The following B3GALT1 variants were observed in gnomAD, a reference collection of about 807,000 sequenced individuals.
B3GALT1 encodes UDP-Gal:betaGlcNAc beta 1,3-galactosyltransferase, polypeptide 1.
A neutral mutation model predicts 23.2 loss-of-function variants in B3GALT1; 10 were observed. That is an observed-to-expected ratio of 0.43 (90% CI 0.27 to 0.73). The LOEUF is 0.73. Ranked by LOEUF, B3GALT1 falls within the 30% of genes least tolerant of loss-of-function variation. The probability of loss-of-function intolerance (pLI) is 0.21; values close to 1 mark genes in which losing one functional copy is unlikely to be tolerated. For synonymous variants in B3GALT1, 156 were observed against 141.5 expected, an observed-to-expected ratio of 1.10 and a Z score of -0.73; for missense variants, 299 against 405.4, an observed-to-expected ratio of 0.74 and a Z score of 2.25.
intron 3 of B3GALT1, among the ~76,000 whole-genome samples, chr2:167,744,081 A>G (rs1687616475): frequency 6.6e-6 from 1 of 152,184 alleles, no homozygotes; most frequent in African/African-American, 2.4e-5. Flanking sequence ...TAATCCTTTA[A>G]TTATTAACTT....
intron 3 of B3GALT1, among the ~76,000 whole-genome samples, chr2:167,803,683 C>A (rs571677783): frequency 6.6e-6 from 1 of 152,146 alleles, no homozygotes; most frequent in Non-Finnish European, 1.5e-5. Flanking sequence ...GCGTACTTGG[C>A]ATCACTGGCT....
chr2:167,532,810 T>C (rs938615507), intron 2 of B3GALT1, among the ~76,000 whole-genome samples: 1 of 151,702 alleles, frequency 6.6e-6, no homozygotes, highest in African/African-American at 2.4e-5. Flanking sequence ...GTATTTTATA[T>C]AGATAATCAT....
intron 2 of B3GALT1, among the ~76,000 whole-genome samples, chr2:167,582,410 GTA>G (rs1684501155): frequency 6.6e-6 from 1 of 152,142 alleles, no homozygotes; most frequent in Non-Finnish European, 1.5e-5. Context: ...TACTCACACT[GTA>G]CTCAGATATG....
At chr2:167,851,973 C>T (rs1217218968) in intron 4 of B3GALT1, among the ~76,000 whole-genome samples, 1 of 152,220 alleles carries the variant, frequency 6.6e-6, no homozygotes, top group Admixed American at 6.5e-5. Context: ...TCTCTTCAAT[C>T]TGGCAGTAAA....
chr2:167,482,242 T>A (rs991606833), intron 1 of B3GALT1, among the ~76,000 whole-genome samples: 3 of 152,198 alleles, frequency 2.0e-5, no homozygotes, highest in African/African-American at 7.2e-5. Flanking sequence ...TATATCAAAA[T>A]CTGAAGAGAT....
chr2:167,501,718 C>CAAAAAAAA (rs35445623), intron 2 of B3GALT1, among the ~76,000 whole-genome samples: 4 of 65,418 alleles, frequency 6.1e-5, no homozygotes, highest in African/African-American at 1.1e-4. Flanking sequence ...TCTACAGTGG[C>CAAAAAAAA]AAAAAAAAAA....
chr2:167,607,680 G>A (rs1442748959), intron 2 of B3GALT1, among the ~76,000 whole-genome samples: 2 of 152,192 alleles, frequency 1.3e-5, no homozygotes, highest in African/African-American at 4.8e-5. Flanking sequence ...AGTGCTTCAA[G>A]CATAAGACCT....
At chr2:167,412,760 A>C (rs1427184653) in intron 1 of B3GALT1, among the ~76,000 whole-genome samples, 2 of 152,164 alleles carry the variant, frequency 1.3e-5, no homozygotes, top group African/African-American at 2.4e-5. Context: ...AAATGTGTAC[A>C]TCTCTTCATC....
chr2:167,610,780 A>G (rs183290263), intron 2 of B3GALT1, among the ~76,000 whole-genome samples: 15 of 151,980 alleles, frequency 9.9e-5, no homozygotes, highest in Admixed American at 5.3e-4. Context: ...AGAAAACCAT[A>G]TAGAATCTAA....
chr2:167,630,750 G>C (rs146390569), intron 2 of B3GALT1, among the ~76,000 whole-genome samples: 3 of 151,716 alleles, frequency 2.0e-5, no homozygotes, highest in East Asian at 2.0e-4. Flanking sequence ...GTAATTTTCT[G>C]TATATTTGAA....
intron 2 of B3GALT1, among the ~76,000 whole-genome samples, chr2:167,520,406 A>G (rs975591834): frequency 3.3e-5 from 5 of 152,150 alleles, no homozygotes; most frequent in Non-Finnish European, 2.9e-5. Context: ...CTCTCCCAAA[A>G]TTGCTCTTGT....
intron 1 of B3GALT1, among the ~76,000 whole-genome samples, chr2:167,474,718 T>C (rs1699467007): frequency 6.6e-6 from 1 of 152,198 alleles, no homozygotes. Context: ...GTCAACAGTA[T>C]TTTAATAAGT....
intron 1 of B3GALT1, among the ~76,000 whole-genome samples, chr2:167,368,566 T>C (rs1272924832): frequency 2.0e-5 from 3 of 152,184 alleles, no homozygotes; most frequent in Non-Finnish European, 4.4e-5. Context: ...AGCAAGCATT[T>C]GCTGTACATG....
intron 3 of B3GALT1, among the ~76,000 whole-genome samples, chr2:167,668,896 G>T (rs150993857): frequency 6.6e-6 from 1 of 152,178 alleles, no homozygotes; most frequent in African/African-American, 2.4e-5. Flanking sequence ...GAAATGCAGA[G>T]ATCACCCGTC....
chr2:167,398,658 A>T (rs184495135), intron 1 of B3GALT1, among the ~76,000 whole-genome samples: 6 of 152,276 alleles, frequency 3.9e-5, no homozygotes, highest in Admixed American at 6.5e-5. Flanking sequence ...CCCACCAAGG[A>T]TATTTATGAG....
At chr2:167,813,687 A>G (rs530440894) in intron 3 of B3GALT1, among the ~76,000 whole-genome samples, 151 of 152,300 alleles carry the variant, frequency 9.9e-4, no homozygotes, top group African/African-American at 3.4e-3. Flanking sequence ...CTTTTTCTAT[A>G]AAGAGCTCAG....
At chr2:167,502,268 A>G (rs1699858574) in intron 2 of B3GALT1, among the ~76,000 whole-genome samples, 2 of 152,204 alleles carry the variant, frequency 1.3e-5, no homozygotes, top group African/African-American at 2.4e-5. Context: ...AGCCTCTGAC[A>G]TAGTCAGAGG....
intron 1 of B3GALT1, among the ~76,000 whole-genome samples, chr2:167,393,680 T>C (rs1270790858): frequency 1.3e-5 from 2 of 152,256 alleles, no homozygotes; most frequent in Non-Finnish European, 2.9e-5. Flanking sequence ...AATAACCTTT[T>C]GGAATTTCAT....
At chr2:167,534,592 G>A (rs1193404455) in intron 2 of B3GALT1, among the ~76,000 whole-genome samples, 2 of 152,148 alleles carry the variant, frequency 1.3e-5, no homozygotes, top group African/African-American at 4.8e-5. Flanking sequence ...AGTACAATGA[G>A]TATCACAAGG....
Sources: gnomAD v4.1 joint callset for allele counts (sites outside exome capture counted in the v4.1 genomes callset) on GRCh38, gnomAD v4.1.1 for gene constraint, MANE v1.5 for transcripts, NCBI Gene and HGNC (gene_info 2026-07-23, HGNC 2026-07-21) for gene names.